Variants in THADA observed in about 807,000 individuals in gnomAD.
The protein encoded by THADA is tRNA (32-2'-O)-methyltransferase regulator THADA.
In THADA, 213 loss-of-function variants were observed where a neutral mutation model predicts 219.8. The observed-to-expected ratio is 0.97, with a 90% CI of 0.87 to 1.09. THADA has a LOEUF of 1.09. Ranked by LOEUF, THADA falls within the 50% of genes least tolerant of loss-of-function variation. THADA has a pLI of 0.00. For synonymous variants in THADA, 1,018 were observed against 828.9 expected (o/e 1.23, Z -3.92); for missense variants, 2,956 against 2,311.3 (o/e 1.28, Z -5.72).
At chr2:43,261,055 A>C (rs1221739287) in intron 36 of THADA, among the ~76,000 whole-genome samples, 1 of 152,070 alleles carries the variant, frequency 6.6e-6, no homozygotes, top group East Asian at 1.9e-4. Flanking sequence ...CGATATGTAA[A>C]GGCTCATGCC....
intron 5 of THADA, 36 bp downstream of exon 5, chr2:43,586,818 T>G: frequency 6.2e-7 from 1 of 1,612,222 alleles, no homozygotes; most frequent in Non-Finnish European, 8.5e-7. Flanking sequence ...ATGAGAGGGG[T>G]TAGCCAGAAA....
intron 34 of THADA, among the ~76,000 whole-genome samples, chr2:43,290,503 T>C (rs1046140056): frequency 1.3e-5 from 2 of 152,148 alleles, no homozygotes; most frequent in Non-Finnish European, 2.9e-5. Flanking sequence ...CTTCATGATC[T>C]CCTCTATGAA....
intron 36 of THADA, among the ~76,000 whole-genome samples, chr2:43,277,636 T>C (rs1207093249): frequency 7.1e-6 from 1 of 141,730 alleles, no homozygotes; most frequent in Non-Finnish European, 1.6e-5. Flanking sequence ...TCTTGTGTTG[T>C]ATTTCTTTCT....
Position 43,570,352 on chromosome 2 carries a change from A to T in THADA, c.2187+36T>A, listed in dbSNP as rs763036114. 2.6e-6 allele frequency: 4 copies of T among 1,558,964 alleles called. No individual in the cohort carries two copies. The South Asian group carries it at 4.8e-5, about 19-fold the overall frequency. On this transcript the variant is annotated intron_variant, in intron 14 of 37. Coordinates refer to ENST00000405975, the MANE Select transcript of THADA (RefSeq NM_022065.5). ...CTTATTCATAATACTTTTTAATTTA[A>T]AAAAAAACTCTCATGTTTAGAAATA...
chr2:43,292,911 G>A lies in THADA; in HGVS notation c.4741C>T (p.Pro1581Ser). 1 of 1,613,982 alleles carries A rather than the reference G, an allele frequency of 6.2e-7. No individual in the cohort carries two copies. The change falls in exon 32 of 38, where the codon CCA (proline) becomes TCA (serine). Residue 1581 changes from proline (P) to serine (S), a missense_variant. Coordinates refer to ENST00000405975, the MANE Select transcript of THADA (RefSeq NM_022065.5). Reference protein sequence around the residue: ...AASGLGEKGVPPLLCNMGEKF... With the variant: ...AASGLGEKGVSPLLCNMGEKF... ...TCTCCCATGTTGCACAGCAAGGGTG[G>A]CACGCCCTTCTCTCCAAGTCCAGAG...
chr2:43,545,637 C>T (rs1177331784), intron 20 of THADA, among the ~76,000 whole-genome samples: 1 of 152,162 alleles, frequency 6.6e-6, no homozygotes, highest in East Asian at 1.9e-4. Flanking sequence ...TCCATTTCTT[C>T]TAGATTTTCT....
intron 36 of THADA, among the ~76,000 whole-genome samples, chr2:43,250,651 C>T (rs912967487): frequency 4.6e-5 from 7 of 152,038 alleles, no homozygotes; most frequent in Admixed American, 4.6e-4. Context: ...GATCCTTAAA[C>T]CCAGGAGTTT....
chr2:43,542,235 G>C (rs942610512), intron 20 of THADA, among the ~76,000 whole-genome samples: 4 of 151,900 alleles, frequency 2.6e-5, no homozygotes, highest in African/African-American at 9.7e-5. Flanking sequence ...GCATTAAATG[G>C]GTAAGTGTAC....
intron 26 of THADA, among the ~76,000 whole-genome samples, chr2:43,456,188 T>C (rs1682973214): frequency 6.6e-6 from 1 of 152,184 alleles, no homozygotes; most frequent in Non-Finnish European, 1.5e-5. Context: ...CAAATACTCA[T>C]CTAAATTATA....
At chr2:43,485,118 ATAGTTTTATGCTC>A (rs1686748389) in intron 26 of THADA, 103 bp downstream of exon 26, 2 of 717,496 alleles carry the variant, frequency 2.8e-6, no homozygotes, top group African/African-American at 3.6e-5. Flanking sequence ...CAGTATTTTT[ATAGTTTTATGCTC>A]TAGATGAATC....
At chr2:43,451,552 A>T (rs974086795) in intron 26 of THADA, among the ~76,000 whole-genome samples, 4 of 152,214 alleles carry the variant, frequency 2.6e-5, no homozygotes, top group African/African-American at 9.7e-5. Context: ...CAGCACCCAG[A>T]ATGGTGTCTA....
At position 43,409,243 on chromosome 2, in the gene THADA, C is replaced by G. The variant is rs530744614; in HGVS notation, c.4059-11104G>C. Among the ~76,000 whole-genome samples, 7 of 152,268 alleles carry G rather than the reference C, an allele frequency of 4.6e-5. No individual in the cohort carries two copies. In the South Asian group the frequency reaches 1.5e-3, roughly 32 times the overall value. On this transcript the variant is annotated intron_variant, in intron 28 of 37. Coordinates refer to ENST00000405975, the MANE Select transcript of THADA (RefSeq NM_022065.5). Reference sequence around the variant, plus strand: ...TTTTTGCTGAAGCTAATTAATGCCCCTGAATGACCCTCCTCATGTTTCACA... The same window carrying G: ...TTTTTGCTGAAGCTAATTAATGCCCGTGAATGACCCTCCTCATGTTTCACA...
At chr2:43,280,789 G>A (rs1673255174) in intron 35 of THADA, among the ~76,000 whole-genome samples, 1 of 152,210 alleles carries the variant, frequency 6.6e-6, no homozygotes, top group African/African-American at 2.4e-5. Context: ...TGTGCTAGGT[G>A]CTGCTGCGGA....
At chr2:43,507,287 G>T (rs553646488) in intron 23 of THADA, among the ~76,000 whole-genome samples, 3 of 152,182 alleles carry the variant, frequency 2.0e-5, no homozygotes, top group South Asian at 4.2e-4. Flanking sequence ...CCAAGGCTAG[G>T]GTAAGAAAGT....
At position 43,232,728 on chromosome 2, in the gene THADA, C is replaced by T. The variant is rs772391916; in HGVS notation, c.5451G>A (p.Val1817=). The change falls in exon 37 of 38, where the codon GTG becomes GTA. Residue 1817 remains valine, a synonymous_variant. Transcript: ENST00000405975. ...LGESDDLVAC[V]ESMHQVEEDY... ...CCGGGATCACCTGATGCATGCTCTC[C>T]ACACAGGCCACGAGGTCATCACTCT... 6.8e-6 allele frequency: 11 copies of T among 1,613,952 alleles called. No homozygotes were observed. The highest frequency in any genetic ancestry group is 8.5e-6 in the Non-Finnish European group (10 of 1,179,860).
At chr2:43,559,853 A>G (rs1187930364) in intron 16 of THADA, among the ~76,000 whole-genome samples, 1 of 152,188 alleles carries the variant, frequency 6.6e-6, no homozygotes, top group Non-Finnish European at 1.5e-5. Context: ...AAAAAGGGAG[A>G]TTATCTCGAA....
chr2:43,299,871 AC>A (rs1468758517), intron 31 of THADA, among the ~76,000 whole-genome samples: 2 of 82 alleles, frequency 0.024, no homozygotes, highest in South Asian at 0.5. Context: ...TACTAAAAAT[AC>A]AAAAAATTAG....
chr2:43,235,442 C>T (rs865810626), intron 36 of THADA, among the ~76,000 whole-genome samples: 1 of 151,826 alleles, frequency 6.6e-6, no homozygotes, highest in Non-Finnish European at 1.5e-5. Context: ...TACAGGCATG[C>T]GCCACCACAC....
At chr2:43,425,163 C>A (rs1678247998) in intron 28 of THADA, among the ~76,000 whole-genome samples, 1 of 152,162 alleles carries the variant, frequency 6.6e-6, no homozygotes, top group Non-Finnish European at 1.5e-5. Context: ...GGTTCAAATT[C>A]TAGCTCTGTA....
Sources: gnomAD v4.1 joint callset for allele counts (sites outside exome capture counted in the v4.1 genomes callset) on GRCh38, gnomAD v4.1.1 for gene constraint, MANE v1.5 for transcripts, NCBI Gene and HGNC (gene_info 2026-07-23, HGNC 2026-07-21) for gene names.